Variants in XDH observed in about 807,000 individuals in gnomAD.
XDH encodes xanthine dehydrogenase/oxidase.
XDH carries 138 observed loss-of-function variants against 156.1 expected under a neutral mutation model. That is an observed-to-expected ratio of 0.88 (90% CI 0.77 to 1.02). The LOEUF (loss-of-function observed/expected upper bound fraction) is 1.02. XDH is among the 50% of genes least tolerant of loss of function. XDH has a pLI of 0.00. For missense variants in XDH, 1,849 were observed against 1,684.9 expected (o/e 1.10, Z -1.71); for synonymous variants, 669 against 625.7 (o/e 1.07, Z -1.03).
chr2:31,365,325 T>C, intron 23 of XDH, 132 bp downstream of exon 23: 1 of 929,060 alleles, frequency 1.1e-6, no homozygotes. Flanking sequence ...ATTTCTCTTC[T>C]TGCTATATCT....
rs931623095 is a variant in XDH at position 31,401,209 on chromosome 2, C to A, written c.306+11G>T. ...TGATCTCAAGAGCACAGCTCCCTTT[C>A]CTCTGTTTACCTGCACAGGATGCAG... On this transcript the variant is annotated intron_variant, in intron 4 of 35. Coordinates refer to ENST00000379416, the MANE Select transcript of XDH (RefSeq NM_000379.4). The A allele has an allele frequency of 6.2e-7, 1 of 1,613,924 alleles. No individual in the cohort carries two copies. The highest frequency in any genetic ancestry group is 1.1e-5 in the South Asian group (1 of 91,042).
intron 12 of XDH, among the ~76,000 whole-genome samples, chr2:31,381,407 A>T (rs1283665410): frequency 6.6e-6 from 1 of 152,212 alleles, no homozygotes; most frequent in Non-Finnish European, 1.5e-5. Flanking sequence ...GTACCCCACT[A>T]GGTAAGGCAT....
chr2:31,374,063 T>C lies in XDH; in HGVS notation c.1603-107A>G, dbSNP rs1686155610. Reference sequence around the variant, plus strand: ...AACTGATAACTGATCCCCTTGTCTCTTCACTTCATACGCCTTTGAGTGCTG... The same window carrying C: ...AACTGATAACTGATCCCCTTGTCTCCTCACTTCATACGCCTTTGAGTGCTG... On this transcript the variant is annotated intron_variant, in intron 15 of 35. Transcript: ENST00000379416. The C allele has an allele frequency of 5.2e-6, 6 of 1,154,604 alleles. No individual in the cohort carries two copies. The South Asian group carries it at 6.6e-5, about 13-fold the overall frequency. The allele number at this position is 1,154,604 out of a possible 1,614,324, so 71.5% of individuals were successfully genotyped here.
chr2:31,336,046 G>C, intron 35 of XDH, 38 bp from the exon 36 acceptor site: 1 of 1,606,784 alleles, frequency 6.2e-7, no homozygotes, highest in Non-Finnish European at 8.5e-7. Flanking sequence ...GCCAGGGTCT[G>C]CTGATCATGC....
intron 1 of XDH, among the ~76,000 whole-genome samples, chr2:31,412,267 A>T (rs973892729): frequency 2.0e-5 from 3 of 152,204 alleles, no homozygotes; most frequent in African/African-American, 7.2e-5. Context: ...CATCACCACC[A>T]CAGAAGGCCC....
chr2:31,376,918 C>G, intron 14 of XDH, 135 bp downstream of exon 14: 1 of 1,139,684 alleles, frequency 8.8e-7, no homozygotes, highest in Non-Finnish European at 1.3e-6. Context: ...GCAGTAGTAG[C>G]AGCAGTAGCA....
At chr2:31,357,910 T>C (rs1259047903) in intron 24 of XDH, among the ~76,000 whole-genome samples, 1 of 152,064 alleles carries the variant, frequency 6.6e-6, no homozygotes, top group Non-Finnish European at 1.5e-5. Context: ...AAACTACCAC[T>C]TCAGTATGAG....
intron 28 of XDH, 101 bp downstream of exon 28, chr2:31,348,167 C>T: frequency 8.2e-7 from 1 of 1,224,224 alleles, no homozygotes; most frequent in Non-Finnish European, 1.2e-6. Flanking sequence ...GGGCCAGGGC[C>T]AGACCCCGGG....
intron 4 of XDH, 72 bp from the exon 5 acceptor site, chr2:31,398,771 A>G (rs919470892): frequency 6.9e-6 from 11 of 1,603,876 alleles, no homozygotes; most frequent in Non-Finnish European, 8.5e-6. Context: ...ACTCGACTGG[A>G]GCCAGCACAT....
intron 13 of XDH, among the ~76,000 whole-genome samples, chr2:31,379,261 C>A (rs980169524): frequency 6.6e-6 from 1 of 152,184 alleles, no homozygotes. Flanking sequence ...AAGAGCCACT[C>A]ATGAAGCAGG....
chr2:31,403,830 T>C (rs1687127061), intron 2 of XDH, among the ~76,000 whole-genome samples: 1 of 152,156 alleles, frequency 6.6e-6, no homozygotes, highest in Non-Finnish European at 1.5e-5. Context: ...AGAACAGCTA[T>C]TGTGGAGGTC....
chr2:31,337,283 A>T (rs115102142), intron 35 of XDH, among the ~76,000 whole-genome samples: 3,008 of 139,418 alleles, frequency 0.022, 87 homozygotes, highest in African/African-American at 0.069. Flanking sequence ...AACATAAATT[A>T]AAAAAAAAAA....
intron 17 of XDH, among the ~76,000 whole-genome samples, chr2:31,371,449 T>C (rs896611155): frequency 9.9e-5 from 15 of 152,190 alleles, no homozygotes; most frequent in African/African-American, 3.4e-4. Flanking sequence ...AGCTCTGTCC[T>C]GCCAAACCCA....
chr2:31,354,000 A>ACT (rs1193622541), intron 24 of XDH, among the ~76,000 whole-genome samples: 1 of 151,458 alleles, frequency 6.6e-6, no homozygotes, highest in Admixed American at 6.6e-5. Flanking sequence ...AAGACACACC[A>ACT]CTCTTCCCTT....
intron 30 of XDH, 100 bp downstream of exon 30, chr2:31,346,669 T>A: frequency 5.0e-6 from 7 of 1,408,470 alleles, no homozygotes; most frequent in Non-Finnish European, 7.1e-6. Flanking sequence ...CTGTTCTGAC[T>A]AAAATATTGT....
At chr2:31,397,024 T>C (rs1350930718) in intron 6 of XDH, among the ~76,000 whole-genome samples, 2 of 152,152 alleles carry the variant, frequency 1.3e-5, no homozygotes, top group East Asian at 1.9e-4. Context: ...CGTGGCCCAA[T>C]TGAGAAGTCA....
rs777934171 is a variant in XDH, at chr2:31,337,783, G to C, written c.3809C>G (p.Ser1270Cys). ...VGEPPLFLAA[S>C]IFFAIKDAIR... ...GGCATCTTTGATGGCAAAGAAGATAGAAGCAGCCAGGAAGAGGGGCGGCTC... is the reference window on the plus strand; with the variant it reads ...GGCATCTTTGATGGCAAAGAAGATACAAGCAGCCAGGAAGAGGGGCGGCTC... The change falls in exon 35 of 36, where the codon TCT becomes TGT. Residue 1270 changes from serine to cysteine, a missense_variant. By Grantham distance (112) the Ser-to-Cys change is moderately radical. Transcript: ENST00000379416. The C allele has an allele frequency of 1.2e-6, 2 of 1,614,218 alleles. No individual in the cohort carries two copies. The highest frequency in any genetic ancestry group is 1.7e-6 in the Non-Finnish European group (2 of 1,180,032).
At chr2:31,354,784 AT>A (rs1286202844) in intron 24 of XDH, among the ~76,000 whole-genome samples, 1 of 152,208 alleles carries the variant, frequency 6.6e-6, no homozygotes, top group Non-Finnish European at 1.5e-5. Context: ...TTTCAAGGAC[AT>A]TTGGGACTAT....
intron 6 of XDH, among the ~76,000 whole-genome samples, chr2:31,388,996 C>T (rs888762074): frequency 6.6e-6 from 1 of 152,172 alleles, no homozygotes. Context: ...CACCCAGCAC[C>T]GAGGCACTGC....
Sources: gnomAD v4.1 joint callset for allele counts (sites outside exome capture counted in the v4.1 genomes callset) on GRCh38, gnomAD v4.1.1 for gene constraint, MANE v1.5 for transcripts, NCBI Gene and HGNC (gene_info 2026-07-23, HGNC 2026-07-21) for gene names.